Variants in MEG3 observed in about 807,000 individuals in gnomAD.
MEG3 encodes Very putative protein from MEG3 locus.
chr14:100,854,657 G>T (rs564152571), upstream of MEG3: 50 of 152,514 alleles, frequency 3.3e-4, no homozygotes, highest in African/African-American at 1.1e-3. Context: ...AACCTCCAAG[G>T]TCCAGACAGC....
chr14:100,833,746 G>C (rs965705144), downstream of MEG3: 3 of 152,022 alleles, frequency 2.0e-5, no homozygotes, highest in African/African-American at 7.3e-5. Context: ...ACCCCAAGGC[G>C]GATCAATCAT....
downstream of MEG3, chr14:100,830,867 A>T (rs2037378266): frequency 6.5e-6 from 1 of 152,678 alleles, no homozygotes; most frequent in Admixed American, 6.5e-5. Flanking sequence ...ATTATGTGGC[A>T]AATGGAGGTG....
intron 2 of MEG3, among the ~76,000 whole-genome samples, chr14:100,840,904 T>C (rs2037736522): frequency 6.6e-6 from 1 of 152,206 alleles, no homozygotes; most frequent in Non-Finnish European, 1.5e-5. Context: ...CGCTCACAGC[T>C]GGGCTGCTCC....
At chr14:100,840,260 C>T (rs2037711391) in intron 2 of MEG3, among the ~76,000 whole-genome samples, 1 of 152,140 alleles carries the variant, frequency 6.6e-6, no homozygotes, top group African/African-American at 2.4e-5. Context: ...GGAAGGCTGC[C>T]CACCACCTTC....
At chr14:100,855,175 G>A (rs7160821), upstream of MEG3, 48,574 of 152,584 alleles carry the variant, frequency 0.32, 8,080 homozygotes, top group Admixed American at 0.42. Flanking sequence ...CTTGGTATCC[G>A]AGTTTGGGAG....
chr14:100,848,795 G>A (rs2037989077), intron 3 of MEG3: 1 of 152,124 alleles, frequency 6.6e-6, no homozygotes, highest in Non-Finnish European at 1.5e-5. Flanking sequence ...AAGAAAAGGA[G>A]TGAGGAATGG....
chr14:100,840,460 C>T (rs1231338858), intron 2 of MEG3, among the ~76,000 whole-genome samples: 2 of 152,098 alleles, frequency 1.3e-5, no homozygotes, highest in Non-Finnish European at 2.9e-5. Context: ...ATGAGTTTTC[C>T]CAGGTTCTGT....
At chr14:100,852,986 G>C (rs966561795), upstream of MEG3, 1 of 153,290 alleles carries the variant, frequency 6.5e-6, no homozygotes, top group African/African-American at 2.4e-5. Flanking sequence ...TTAGGGTTTT[G>C]ACCCTTAAGA....
chr14:100,852,078 T>TG, intron 3 of MEG3: 9 of 307,264 alleles, frequency 2.9e-5, no homozygotes, highest in South Asian at 2.1e-4. Context: ...AGGGAGCACG[T>TG]GGGAGGCAGG....
At chr14:100,851,071 G>C (rs1251555098) in intron 3 of MEG3, 1 of 152,442 alleles carries the variant, frequency 6.6e-6, no homozygotes, top group Non-Finnish European at 1.5e-5. Context: ...TATCTTGGCT[G>C]TGTGGGCCAT....
At chr14:100,830,344 A>AACACACACAC (rs142049070), downstream of MEG3, 6 of 30,288 alleles carry the variant, frequency 2.0e-4, no homozygotes, top group East Asian at 9.8e-4. Flanking sequence ...TGGAGATTAA[A>AACACACACAC]ACACACACAC....
rs1327631506 is a variant in MEG3, at chr14:100,837,729, A to G, written n.3045+1429A>G. Reference sequence around the variant, plus strand: ...GCCTCGTAATGCTCTTTAATCAAACAGAGGATTTGGAGACAGCTCTCCTGC... The same window carrying G: ...GCCTCGTAATGCTCTTTAATCAAACGGAGGATTTGGAGACAGCTCTCCTGC... On this transcript the variant is annotated intron_variant and non_coding_transcript_variant, in intron 2 of 3. Transcript: ENST00000398461. This position sits in a 1 kb window ranked among gnomAD's most constrained non-coding sequence, Gnocchi z 5.8. Among the ~76,000 whole-genome samples the G allele has an allele frequency of 5.9e-5, 9 of 152,054 alleles. No homozygotes were observed. The South Asian group carries it at 1.7e-3, about 28-fold the overall frequency.
At chr14:100,826,833 A>T (rs1329623693) in intron 1 of MEG3, among the ~76,000 whole-genome samples, 1 of 152,102 alleles carries the variant, frequency 6.6e-6, no homozygotes, top group African/African-American at 2.4e-5. Context: ...TCTACCCGAT[A>T]TCATCTGGTT....
intron 2 of MEG3, among the ~76,000 whole-genome samples, chr14:100,840,330 CTT>C (rs942138045): frequency 6.6e-6 from 1 of 152,124 alleles, no homozygotes; most frequent in Admixed American, 6.5e-5. Flanking sequence ...GGAGGAGACT[CTT>C]AGCCTGGGAG....
intron 2 of MEG3, among the ~76,000 whole-genome samples, chr14:100,844,542 G>T (rs12587062): frequency 6.6e-6 from 1 of 151,948 alleles, no homozygotes; most frequent in Non-Finnish European, 1.5e-5. Flanking sequence ...CCCAGATCCC[G>T]TCCCCACCAT....
At chr14:100,831,601 A>T (rs2037398010), downstream of MEG3, 1 of 152,276 alleles carries the variant, frequency 6.6e-6, no homozygotes, top group Admixed American at 6.5e-5. Context: ...ACACATTTTC[A>T]TGCCTTCTCT....
chr14:100,847,683 A>G (rs931229182), intron 3 of MEG3: 5 of 152,206 alleles, frequency 3.3e-5, no homozygotes, highest in Admixed American at 6.5e-5. Context: ...ATGAGAAGAC[A>G]TGGCCCCATG....
chr14:100,847,723 C>T (rs1192113556), intron 3 of MEG3: 2 of 152,054 alleles, frequency 1.3e-5, no homozygotes, highest in Non-Finnish European at 2.9e-5. Flanking sequence ...TTGGGGTCCC[C>T]CCTGGGCACC....
At chr14:100,841,506 C>A (rs2037758487) in intron 2 of MEG3, among the ~76,000 whole-genome samples, 1 of 152,228 alleles carries the variant, frequency 6.6e-6, no homozygotes, top group Non-Finnish European at 1.5e-5. Flanking sequence ...CCGCTGCCCC[C>A]TCTGCTTTAG....
Sources: allele counts gnomAD v4.1 joint callset (sites outside exome capture counted in the v4.1 genomes callset), GRCh38; gene constraint gnomAD v4.1.1; non-coding constraint Gnocchi (gnomAD v3.1); transcripts MANE v1.5; gene names NCBI Gene and HGNC (gene_info 2026-07-23, HGNC 2026-07-21).